Variants in SSBP2 observed in about 807,000 individuals in gnomAD.
SSBP2 encodes the protein single stranded DNA binding protein 2, also known as single-stranded DNA-binding protein 2.
A neutral mutation model predicts 61.8 loss-of-function variants in SSBP2; 17 were observed. The observed-to-expected ratio is 0.28, with a 90% confidence interval of 0.19 to 0.41. The LOEUF (loss-of-function observed/expected upper bound fraction) is 0.41, where lower values mean the gene tolerates loss of function less well. Among genes scored for constraint, SSBP2 ranks in the 10% least tolerant of loss-of-function variants. The pLI is 1.00. For missense variants in SSBP2, 310 were observed against 458.7 expected (o/e 0.68, Z 2.96); for synonymous variants, 139 against 141.3 (o/e 0.98, Z 0.12).
chr5:81,452,950 G>GA (rs72373513), intron 10 of SSBP2, among the ~76,000 whole-genome samples: 454 of 135,398 alleles, frequency 3.4e-3, no homozygotes, highest in East Asian at 8.1e-3. Flanking sequence ...GCATTAAAAT[G>GA]AAAAAAAAAA....
Position 81,622,494 on chromosome 5 carries a change from C to T in SSBP2, c.198-6937G>A, listed in dbSNP as rs746408829. Among the ~76,000 whole-genome samples the T allele has an allele frequency of 9.9e-4, 151 of 152,176 alleles. 1 individual carries two copies. Among genetic ancestry groups the T allele is most frequent in the Non-Finnish European group, 3.4e-4 (23 of 68,032 alleles). ...ATTACCAGCTGTGACAGCCCTTGAG[C>T]AAGTTGCTTAAACTGATCAGAAACA... On this transcript the variant is annotated intron_variant, in intron 3 of 16. Coordinates refer to ENST00000320672, the MANE Select transcript of SSBP2 (RefSeq NM_012446.5).
At chr5:81,627,637 C>T (rs894115814) in intron 3 of SSBP2, among the ~76,000 whole-genome samples, 1 of 152,226 alleles carries the variant, frequency 6.6e-6, no homozygotes, top group Middle Eastern at 3.4e-3. Context: ...GTGAAAGAAA[C>T]AGAATTCTTA....
At chr5:81,487,220 T>G (rs1766449995) in intron 6 of SSBP2, among the ~76,000 whole-genome samples, 1 of 152,208 alleles carries the variant, frequency 6.6e-6, no homozygotes, top group Non-Finnish European at 1.5e-5. Flanking sequence ...ACACAAGTAT[T>G]CCATAGTGTT....
intron 1 of SSBP2, among the ~76,000 whole-genome samples, chr5:81,690,610 A>T (rs964674742): frequency 7.2e-5 from 11 of 152,082 alleles, no homozygotes; most frequent in African/African-American, 2.7e-4. Flanking sequence ...AGAGAGATAA[A>T]CCCCAATAGA....
At chr5:81,620,122 G>C (rs1228426720) in intron 3 of SSBP2, among the ~76,000 whole-genome samples, 1 of 103,374 alleles carries the variant, frequency 9.7e-6, no homozygotes, top group Non-Finnish European at 1.9e-5. Flanking sequence ...GGCAGGAGAA[G>C]GAAATAAAGG....
chr5:81,698,803 A>G (rs1471890111), intron 1 of SSBP2, among the ~76,000 whole-genome samples: 1 of 152,178 alleles, frequency 6.6e-6, no homozygotes, highest in African/African-American at 2.4e-5. Flanking sequence ...GCAGGACTCC[A>G]TCTCAAAAAA....
chr5:81,494,829 A>C lies in SSBP2; in HGVS notation c.373-5520T>G, dbSNP rs185715464. Reference sequence around the variant, plus strand: ...ATATTTGGTGACAAAATGAAAAAAAAATACTCTAATAGAAACGCAAACCAA... The same window carrying C: ...ATATTTGGTGACAAAATGAAAAAAACATACTCTAATAGAAACGCAAACCAA... On this transcript the variant is annotated intron_variant, in intron 5 of 16. Coordinates refer to ENST00000320672, the MANE Select transcript of SSBP2 (RefSeq NM_012446.5). Among the ~76,000 whole-genome samples the C allele has an allele frequency of 1.1e-3, 161 of 152,304 alleles. 2 individuals are homozygous for C. Among genetic ancestry groups the C allele is most frequent in the Non-Finnish European group, 2.4e-4 (16 of 68,014 alleles).
At chr5:81,445,178 G>GTA (rs61205452) in intron 12 of SSBP2, among the ~76,000 whole-genome samples, 4 of 60,762 alleles carry the variant, frequency 6.6e-5, no homozygotes, top group African/African-American at 7.7e-5. Flanking sequence ...ATATATATAT[G>GTA]TATGTATTTA....
intron 1 of SSBP2, among the ~76,000 whole-genome samples, chr5:81,709,828 A>G (rs527634220): frequency 6.6e-6 from 1 of 152,132 alleles, no homozygotes; most frequent in East Asian, 1.9e-4. Context: ...TAGCAGATGT[A>G]GAACACTTGC....
intron 2 of SSBP2, among the ~76,000 whole-genome samples, chr5:81,639,606 G>A (rs962475510): frequency 1.3e-5 from 2 of 151,820 alleles, no homozygotes; most frequent in African/African-American, 4.8e-5. Flanking sequence ...CTTTAAATAC[G>A]GAGATCCAGA....
intron 12 of SSBP2, among the ~76,000 whole-genome samples, chr5:81,445,138 T>TATTTATATA (rs1453692261): frequency 3.0e-5 from 1 of 33,896 alleles, no homozygotes; most frequent in Non-Finnish European, 5.3e-5. Flanking sequence ...AAAAAAAATT[T>TATTTATATA]TATATATATA....
intron 15 of SSBP2, among the ~76,000 whole-genome samples, chr5:81,436,517 C>G (rs978244810): frequency 6.6e-6 from 1 of 152,032 alleles, no homozygotes; most frequent in Non-Finnish European, 1.5e-5. Context: ...TTTTTTAGAA[C>G]TTGAAGTCTT....
In SSBP2 at chr5:81,687,051, A is replaced by AT. The variant is rs1179096590; in HGVS notation, c.63-36713dup. Among the ~76,000 whole-genome samples, 4 of 152,194 alleles carry AT rather than the reference A, an allele frequency of 2.6e-5. No homozygotes were observed. The East Asian group carries it at 7.7e-4, about 29-fold the overall frequency. On this transcript the variant is annotated intron_variant, in intron 1 of 16. Transcript: ENST00000320672. ...CTAAGAACCAAAAATCAGACGAGTC[A>AT]TAACAGTACCTGGTTTTAACTTCGG...
chr5:81,622,583 G>T (rs999610459), intron 3 of SSBP2, among the ~76,000 whole-genome samples: 8 of 152,188 alleles, frequency 5.3e-5, no homozygotes, highest in Non-Finnish European at 1.2e-4. Context: ...TATGCACAGT[G>T]TCTGACATAT....
At chr5:81,709,840 G>A (rs933755733) in intron 1 of SSBP2, among the ~76,000 whole-genome samples, 2 of 151,930 alleles carry the variant, frequency 1.3e-5, no homozygotes, top group African/African-American at 4.8e-5. Flanking sequence ...AACACTTGCA[G>A]AACTATTCCT....
chr5:81,540,005 T>C (rs1017410492), intron 4 of SSBP2, among the ~76,000 whole-genome samples: 11 of 152,172 alleles, frequency 7.2e-5, no homozygotes, highest in African/African-American at 2.7e-4. Context: ...TGGTTTTCTT[T>C]TCCTGTGTTA....
chr5:81,636,692 C>T, intron 2 of SSBP2, 74 bp from the exon 3 acceptor site: 1 of 1,125,866 alleles, frequency 8.9e-7, no homozygotes, highest in Admixed American at 2.1e-5. Flanking sequence ...AATAATATCC[C>T]CATTTAAAAT....
chr5:81,601,988 T>C (rs75250285), intron 4 of SSBP2, among the ~76,000 whole-genome samples: 10,635 of 152,228 alleles, frequency 0.07, 487 homozygotes, highest in Non-Finnish European at 0.11. Context: ...AGCATGTCAA[T>C]GTTACTAGTT....
At chr5:81,503,886 A>G (rs1462395425) in intron 5 of SSBP2, among the ~76,000 whole-genome samples, 1 of 152,228 alleles carries the variant, frequency 6.6e-6, no homozygotes, top group Non-Finnish European at 1.5e-5. Context: ...ATGCAGAAAC[A>G]GAAAAACAAA....
Sources: gnomAD v4.1 joint callset for allele counts (sites outside exome capture counted in the v4.1 genomes callset) on GRCh38, gnomAD v4.1.1 for gene constraint, MANE v1.5 for transcripts, NCBI Gene and HGNC (gene_info 2026-07-23, HGNC 2026-07-21) for gene names.